Variants in SLC38A8 observed in about 807,000 individuals in gnomAD.
The protein encoded by SLC38A8 is amino acid transporter SLC38A8.
Under a neutral mutation model 46.0 loss-of-function variants are expected in SLC38A8, and 65 were observed. That is an observed-to-expected ratio of 1.41 (90% CI 1.16 to 1.74). SLC38A8 has a LOEUF of 1.74. Among genes scored for constraint, SLC38A8 ranks in the 40% most tolerant of loss-of-function variants. The pLI, the probability that SLC38A8 is intolerant of heterozygous loss-of-function variation, is 0.00. For synonymous variants in SLC38A8, 447 were observed against 243.7 expected (o/e 1.83, Z -7.77); for missense variants, 998 against 567.9 (o/e 1.76, Z -7.70).
At chr16:84,026,806 G>C (rs1180754925) in intron 6 of SLC38A8, among the ~76,000 whole-genome samples, 2 of 152,098 alleles carry the variant, frequency 1.3e-5, no homozygotes, top group Admixed American at 1.3e-4. Flanking sequence ...GGCCACAATA[G>C]GATTCCATTC....
chr16:84,010,339 G>C (rs972429229), intron 10 of SLC38A8, among the ~76,000 whole-genome samples: 43 of 152,040 alleles, frequency 2.8e-4, no homozygotes, highest in Middle Eastern at 3.4e-3. Context: ...CTAAAGTACT[G>C]GGATTACAAG....
At chr16:84,014,842 A>G (rs2085006153) in intron 9 of SLC38A8, among the ~76,000 whole-genome samples, 1 of 152,058 alleles carries the variant, frequency 6.6e-6, no homozygotes, top group Non-Finnish European at 1.5e-5. Flanking sequence ...TTGATAACCA[A>G]CATTTCTCTG....
rs141348705 is a variant in SLC38A8 at position 84,027,742 on chromosome 16, C to T, written c.690+1752G>A. Among the ~76,000 whole-genome samples the T allele has an allele frequency of 6.3e-3, 957 of 152,316 alleles. 3 individuals carry two copies. The highest frequency in any genetic ancestry group is 9.2e-3 in the Admixed American group (140 of 15,292). On this transcript the variant is annotated intron_variant, in intron 6 of 10. Transcript: ENST00000299709. ...TCTCGGCATCCCGTGTCCCTGGAAACGCAGCCCAGGCCTCGTTGCTAGGAG... is the reference window on the plus strand; with the variant it reads ...TCTCGGCATCCCGTGTCCCTGGAAATGCAGCCCAGGCCTCGTTGCTAGGAG...
At chr16:84,041,897 G>A (rs781352132) in intron 2 of SLC38A8, 72 bp downstream of exon 2, 83 of 1,392,714 alleles carry the variant, frequency 6.0e-5, no homozygotes, top group Non-Finnish European at 7.9e-5. Context: ...CAGAAGCAAT[G>A]CGAGGAACCC....
intron 4 of SLC38A8, 110 bp downstream of exon 4, chr16:84,033,218 C>G: frequency 6.8e-7 from 1 of 1,469,374 alleles, no homozygotes; most frequent in African/African-American, 1.4e-5. Flanking sequence ...TTCCCCTTCT[C>G]CAAATGTGAA....
chr16:84,018,272 G>C (rs12598583), intron 7 of SLC38A8, among the ~76,000 whole-genome samples: 2,102 of 129,134 alleles, frequency 0.016, 23 homozygotes, highest in Non-Finnish European at 0.024. Context: ...TCTCTCTGTC[G>C]CCCAGGCTGG....
At chr16:84,018,875 G>C (rs1427725212) in intron 7 of SLC38A8, among the ~76,000 whole-genome samples, 2 of 152,028 alleles carry the variant, frequency 1.3e-5, no homozygotes, top group Non-Finnish European at 2.9e-5. Flanking sequence ...ATATGGGGTG[G>C]GTATAAAACT....
At position 84,018,728 on chromosome 16, in the gene SLC38A8, A is replaced by C. The variant is rs556264679; in HGVS notation, c.806-1441T>G. On this transcript the variant is annotated intron_variant, in intron 7 of 10. Transcript: ENST00000299709. ...TAATTTTCCTTGTCATTGGGATCTT[A>C]ACACAGTGATGTCTGATGAAGCGGC... is the stretch of plus-strand genomic sequence containing the variant. 3.9e-5 allele frequency among the ~76,000 whole-genome samples: 6 copies of C among 152,316 alleles called. No individual in the cohort carries two copies. The South Asian group carries it at 1.2e-3, about 32-fold the overall frequency.
At chr16:84,029,904 C>A (rs2085218300) in intron 5 of SLC38A8, among the ~76,000 whole-genome samples, 1 of 152,168 alleles carries the variant, frequency 6.6e-6, no homozygotes, top group Non-Finnish European at 1.5e-5. Context: ...AGCATCCACC[C>A]AGTGATCCCA....
At chr16:84,019,495 T>A (rs1363836854) in intron 7 of SLC38A8, among the ~76,000 whole-genome samples, 2 of 152,214 alleles carry the variant, frequency 1.3e-5, no homozygotes, top group African/African-American at 4.8e-5. Flanking sequence ...CTCGACAGCT[T>A]CTTAAAGGCC....
At position 84,017,228 on chromosome 16, in the gene SLC38A8, G is replaced by C; in HGVS notation, c.865C>G (p.Pro289Ala). 5 of 1,614,104 alleles carry C rather than the reference G, an allele frequency of 3.1e-6. No homozygotes were observed. The highest frequency in any genetic ancestry group is 4.2e-6 in the Non-Finnish European group (5 of 1,180,014). The change falls in exon 8 of 11, where the codon CCA becomes GCA. Residue 289 changes from proline to alanine, a missense_variant. By Grantham distance (27) the Pro-to-Ala change is conservative (BLOSUM62 -1). Coordinates refer to ENST00000299709, the MANE Select transcript of SLC38A8 (RefSeq NM_001080442.3). Reference protein sequence around the residue: ...EVSADVLMSYPGNDMVIIVAR... With the variant: ...EVSADVLMSYAGNDMVIIVAR... ...ACAATGATGACCATATCATTGCCTG[G>C]GTAGGACATCAAGACGTCAGCAGAA... is the stretch of plus-strand genomic sequence containing the variant.
Position 84,016,565 on chromosome 16 carries a change from G to A in SLC38A8, c.1116C>T (p.Val372=), listed in dbSNP as rs769522763. The A allele has an allele frequency of 1.1e-5, 18 of 1,614,110 alleles. No homozygotes were observed. Among genetic ancestry groups the A allele is most frequent in the Non-Finnish European group, 1.4e-5 (16 of 1,180,026 alleles). The stretch of plus-strand genomic sequence containing the variant: ...AGGAACTGATGCCTCCGATGATGCT[G>A]ACGATCTCGCTGAGGTCAGGCATAA... ...ALFMPDLSEI[V]SIIGGISSFF... The change falls in exon 9 of 11, where the codon GTC becomes GTT. Residue 372 remains valine (V), a synonymous_variant. Transcript: ENST00000299709.
At chr16:84,023,566 G>C (rs973171378) in intron 6 of SLC38A8, among the ~76,000 whole-genome samples, 2 of 151,956 alleles carry the variant, frequency 1.3e-5, no homozygotes, top group African/African-American at 4.8e-5. Flanking sequence ...CCTCAACACA[G>C]ACGAATCTCA....
chr16:84,018,755 G>T (rs982838167), intron 7 of SLC38A8, among the ~76,000 whole-genome samples: 1 of 152,120 alleles, frequency 6.6e-6, no homozygotes, highest in Non-Finnish European at 1.5e-5. Flanking sequence ...TGAAGCGGCC[G>T]AAATGAGATG....
chr16:84,035,349 A>C (rs1191401987), intron 3 of SLC38A8, among the ~76,000 whole-genome samples: 1 of 152,136 alleles, frequency 6.6e-6, no homozygotes, highest in African/African-American at 2.4e-5. Flanking sequence ...CTTCAATCTC[A>C]ATACCCCCCA....
intron 2 of SLC38A8, among the ~76,000 whole-genome samples, chr16:84,039,004 G>T (rs915390781): frequency 1.3e-5 from 2 of 152,164 alleles, no homozygotes; most frequent in African/African-American, 4.8e-5. Flanking sequence ...GTGAAAAAGG[G>T]GTTTGCCTCT....
intron 6 of SLC38A8, among the ~76,000 whole-genome samples, chr16:84,026,148 G>A (rs535362945): frequency 1.8e-4 from 28 of 152,204 alleles, no homozygotes; most frequent in Non-Finnish European, 1.8e-4. Flanking sequence ...GGAAAAGACA[G>A]TTAGTAGTGC....
chr16:84,037,647 G>C (rs1196741602), intron 2 of SLC38A8, among the ~76,000 whole-genome samples: 2 of 151,898 alleles, frequency 1.3e-5, no homozygotes, highest in Non-Finnish European at 1.5e-5. Flanking sequence ...TGTAGTCCCA[G>C]CTACTCATGA....
chr16:84,037,760 G>GA lies in SLC38A8; in HGVS notation c.190-861dup, dbSNP rs1227980678. ...TGGGGGATACAGAGAGACTGCCTCC[G>GA]AAAAAAAAAAAAGAGAAAAGAAAAC... On this transcript the variant is annotated intron_variant, in intron 2 of 10. Coordinates refer to ENST00000299709, the MANE Select transcript of SLC38A8 (RefSeq NM_001080442.3). Among the ~76,000 whole-genome samples the GA allele has an allele frequency of 6.7e-3, 603 of 90,398 alleles. 6 individuals carry two copies. Among genetic ancestry groups the GA allele is most frequent in the African/African-American group, 0.023 (514 of 22,028 alleles). 59.3% of individuals were successfully genotyped at this position (90,398 alleles called of 152,430 possible).
Sources: allele counts gnomAD v4.1 joint callset (sites outside exome capture counted in the v4.1 genomes callset), GRCh38; gene constraint gnomAD v4.1.1; transcripts MANE v1.5; gene names NCBI Gene and HGNC (gene_info 2026-07-23, HGNC 2026-07-21).